The following COL4A5 variants were observed in gnomAD, a reference collection of about 807,000 sequenced individuals.
COL4A5 encodes the protein collagen alpha-5(IV) chain.
In COL4A5, 26 loss-of-function variants were observed where a neutral mutation model predicts 130.2. The observed-to-expected ratio is 0.20, with a 90% CI of 0.15 to 0.28. The LOEUF is 0.28. Ranked by LOEUF, COL4A5 falls within the 10% of genes least tolerant of loss-of-function variation. COL4A5 has a pLI of 1.00. For missense variants in COL4A5, 1,131 were observed against 1,344.3 expected (o/e 0.84, Z 2.48); for synonymous variants, 496 against 439.6 (o/e 1.13, Z -1.60).
In COL4A5 at chrX:108,627,051, G is replaced by A. The variant is rs73528360; in HGVS notation, c.3246+702G>A. 0.025 allele frequency: 16,953 copies of A among 682,480 alleles called. 1,933 individuals are homozygous for A. In the African/African-American group the frequency reaches 0.35, roughly 14 times the overall value. The allele number at this position is 682,480 out of a possible 1,213,427, so 56.2% of individuals were successfully genotyped here. ...TAAGAATTTATTGAATTGTATGTAA[G>A]GATAATTTTTCTTTTAATATTATAT... On this transcript the variant is annotated intron_variant, in intron 36 of 52. Coordinates refer to ENST00000328300, the MANE Select transcript of COL4A5 (RefSeq NM_033380.3).
In COL4A5 at chrX:108,578,067, T is replaced by C. The variant is rs2066182406; in HGVS notation, c.646-11T>C. On this transcript the variant is annotated splice_polypyrimidine_tract_variant and intron_variant, in intron 11 of 52. Coordinates refer to ENST00000328300, the MANE Select transcript of COL4A5 (RefSeq NM_033380.3). ...TCAGTGAGATTTTTAAATGGAAACT[T>C]CTCTCTCCAGGGGAATATGGGCTTA... The C allele has an allele frequency of 8.3e-7, 1 of 1,207,545 alleles. No homozygotes were observed. Among genetic ancestry groups the C allele is most frequent in the Non-Finnish European group, 1.1e-6 (1 of 893,435 alleles).
At chrX:108,457,737 C>G in intron 1 of COL4A5, among the ~76,000 whole-genome samples, 1 of 111,751 alleles carries the variant, frequency 8.9e-6, no homozygotes, top group Non-Finnish European at 1.9e-5. Context: ...ATTAACCTCT[C>G]TACTTACCCA....
chrX:108,543,945 TG>T (rs1265773166), intron 2 of COL4A5, among the ~76,000 whole-genome samples: 1 of 112,102 alleles, frequency 8.9e-6, no homozygotes, highest in African/African-American at 3.2e-5. Flanking sequence ...TTGTGATTTT[TG>T]CACATTGATT....
intron 1 of COL4A5, 114 bp downstream of exon 1, chrX:108,440,320 A>G (rs2064378034): frequency 5.6e-6 from 3 of 532,169 alleles, no homozygotes; most frequent in African/African-American, 4.8e-5. Context: ...AGGGAATTCA[A>G]ATTTGCTTTC....
chrX:108,648,023 G>T (rs1460965474), intron 36 of COL4A5, among the ~76,000 whole-genome samples: 1 of 111,259 alleles, frequency 9.0e-6, no homozygotes, highest in Non-Finnish European at 1.9e-5. Flanking sequence ...GTTCATCAAG[G>T]ATATTGGTCT....
chrX:108,659,732 A>G (rs2067916412), intron 37 of COL4A5, among the ~76,000 whole-genome samples: 1 of 111,101 alleles, frequency 9.0e-6, no homozygotes, highest in African/African-American at 3.3e-5. Flanking sequence ...TATACTTAGT[A>G]CAGTATAACT....
chrX:108,465,150 C>T (rs2064693397), intron 1 of COL4A5, among the ~76,000 whole-genome samples: 1 of 111,717 alleles, frequency 9.0e-6, no homozygotes, highest in Non-Finnish European at 1.9e-5. Flanking sequence ...TTTCATTTCT[C>T]TTGGGTGAGT....
chrX:108,580,513 T>G lies in COL4A5; in HGVS notation c.781-20T>G, dbSNP rs768022845. On this transcript the variant is annotated intron_variant, in intron 13 of 52. Coordinates refer to ENST00000328300, the MANE Select transcript of COL4A5 (RefSeq NM_033380.3). ...TGTTCCAGTATTAACATTGATTTCC[T>G]TTCCCCTACTACTGCATAGGGACTT... The G allele has an allele frequency of 8.4e-7, 1 of 1,187,215 alleles. No individual in the cohort carries two copies. The highest frequency in any genetic ancestry group is 1.1e-6 in the Non-Finnish European group (1 of 874,151).
chrX:108,513,155 A>G (rs1468565266), intron 1 of COL4A5, among the ~76,000 whole-genome samples: 1 of 111,561 alleles, frequency 9.0e-6, no homozygotes, highest in African/African-American at 3.3e-5. Context: ...GGAATTGTTG[A>G]GTCATAGGGA....
chrX:108,590,480 T>C (rs112468365), intron 19 of COL4A5, among the ~76,000 whole-genome samples: 132 of 111,659 alleles, frequency 1.2e-3, no homozygotes, highest in African/African-American at 3.8e-3. Flanking sequence ...TAATAAACAG[T>C]TGATTCTACC....
In COL4A5 at chrX:108,621,842, C is replaced by G. The variant is rs758168827; in HGVS notation, c.2717C>G (p.Pro906Arg). 3 of 1,210,080 alleles carry G rather than the reference C, an allele frequency of 2.5e-6. No individual in the cohort carries two copies. In the East Asian group the frequency reaches 8.9e-5, roughly 36 times the overall value. Reference protein sequence around the residue: ...GEMGMMGPPGPPGPLGIPGRS... With the variant: ...GEMGMMGPPGRPGPLGIPGRS... ...ATGGGTATGATGGGACCTCCAGGCC[C>G]ACCAGGACCTTTGGGAATTCCTGGC... The change falls in exon 32 of 53, where the codon CCA (proline) becomes CGA (arginine). Residue 906 changes from proline (P) to arginine (R), a missense_variant. By Grantham distance (103) the Pro-to-Arg change is moderately radical. Transcript: ENST00000328300.
At chrX:108,603,523 C>T (rs369771905) in intron 28 of COL4A5, among the ~76,000 whole-genome samples, 24 of 111,997 alleles carry the variant, frequency 2.1e-4, no homozygotes, top group African/African-American at 7.8e-4. Flanking sequence ...ATTAAAAATA[C>T]TTTATTGCTA....
chrX:108,536,687 T>C (rs2065463236), intron 1 of COL4A5, among the ~76,000 whole-genome samples: 1 of 111,380 alleles, frequency 9.0e-6, no homozygotes, highest in Non-Finnish European at 1.9e-5. Context: ...TGTCAATACT[T>C]TCAGGCTCAA....
chrX:108,490,399 A>G (rs780373601), intron 1 of COL4A5, among the ~76,000 whole-genome samples: 84 of 111,057 alleles, frequency 7.6e-4, no homozygotes, highest in African/African-American at 2.7e-3. Flanking sequence ...TGTTTTCCTA[A>G]CCCTCACCAA....
intron 1 of COL4A5, among the ~76,000 whole-genome samples, chrX:108,517,156 T>C (rs771142556): frequency 1.8e-5 from 2 of 111,845 alleles, no homozygotes; most frequent in South Asian, 7.3e-4. Flanking sequence ...AGGTTAGATA[T>C]AATAATATAA....
chrX:108,676,669 T>TA (rs1324860214), intron 43 of COL4A5, among the ~76,000 whole-genome samples: 2 of 112,252 alleles, frequency 1.8e-5, no homozygotes, highest in Non-Finnish European at 3.8e-5. Context: ...TTCTAACATT[T>TA]AAAAAAATTC....
chrX:108,597,293 A>T (rs967409287), intron 23 of COL4A5, 84 bp from the exon 24 acceptor site: 286 of 1,034,868 alleles, frequency 2.8e-4, no homozygotes, highest in Admixed American at 7.8e-4. Flanking sequence ...GGAGAGAAGA[A>T]AATGTTAGAA....
At chrX:108,473,613 G>GTGTATATATATA (rs1556359434) in intron 1 of COL4A5, among the ~76,000 whole-genome samples, 4 of 46,092 alleles carry the variant, frequency 8.7e-5, no homozygotes, top group East Asian at 4.3e-4. Context: ...ATATATATAT[G>GTGTATATATATA]TATATATATA....
chrX:108,613,759 G>A (rs1356548202), intron 29 of COL4A5, among the ~76,000 whole-genome samples: 1 of 111,587 alleles, frequency 9.0e-6, no homozygotes, highest in Non-Finnish European at 1.9e-5. Flanking sequence ...ATTAGAATTG[G>A]CCTTTTTTCA....
Sources: allele counts gnomAD v4.1 joint callset (sites outside exome capture counted in the v4.1 genomes callset), GRCh38; gene constraint gnomAD v4.1.1; transcripts MANE v1.5; gene names NCBI Gene and HGNC (gene_info 2026-07-23, HGNC 2026-07-21).